The following ANO5 variants were observed in gnomAD, a reference collection of about 807,000 sequenced individuals.
ANO5 encodes anoctamin 5.
ANO5 carries 109 observed loss-of-function variants against 121.0 expected under a neutral mutation model. The ratio of observed to expected loss-of-function variants is 0.90; its 90% CI spans 0.77 to 1.06. ANO5 has a LOEUF of 1.06. Ranked by LOEUF, ANO5 falls within the 50% of genes least tolerant of loss-of-function variation. The pLI, the probability that ANO5 is intolerant of heterozygous loss-of-function variation, is 0.00. For synonymous variants in ANO5, 406 were observed against 359.9 expected (o/e 1.13, Z -1.45); for missense variants, 1,064 against 1,078.5 (o/e 0.99, Z 0.19).
At chr11:22,256,275 G>C (rs1853996982) in intron 13 of ANO5, among the ~76,000 whole-genome samples, 1 of 152,102 alleles carries the variant, frequency 6.6e-6, no homozygotes, top group African/African-American at 2.4e-5. Context: ...GTTTCCTGCT[G>C]CTATTTAAAA....
At chr11:22,195,963 A>G (rs1156810834) in intron 1 of ANO5, among the ~76,000 whole-genome samples, 3 of 152,178 alleles carry the variant, frequency 2.0e-5, no homozygotes, top group African/African-American at 7.2e-5. Context: ...ATCAGGGCCT[A>G]AAGAGCAGCA....
At chr11:22,259,946 CT>C (rs1854138316) in intron 15 of ANO5, among the ~76,000 whole-genome samples, 1 of 78,980 alleles carries the variant, frequency 1.3e-5, no homozygotes, top group Admixed American at 1.3e-4. Flanking sequence ...GGCAAAATAA[CT>C]GAAAAAAAAA....
chr11:22,224,562 A>G (rs887807665), intron 5 of ANO5, among the ~76,000 whole-genome samples: 9 of 152,196 alleles, frequency 5.9e-5, no homozygotes, highest in African/African-American at 2.2e-4. Flanking sequence ...TTCTTACCAT[A>G]CAAAAGATCA....
rs1295742278 is a variant in ANO5, at chr11:22,217,907, AC to A, written c.139-338del. ...ATATTTCCTTATGTAACAAATCTGC[AC>A]TTCCTGCACATGTACTCCTGAACTT... On this transcript the variant is annotated intron_variant, in intron 3 of 21. Coordinates refer to ENST00000324559, the MANE Select transcript of ANO5 (RefSeq NM_213599.3). 3.3e-5 allele frequency among the ~76,000 whole-genome samples: 5 copies of A among 152,086 alleles called. No individual in the cohort carries two copies. In the East Asian group the frequency reaches 9.7e-4, roughly 29 times the overall value.
At chr11:22,278,684 A>G (rs1433349711) in intron 21 of ANO5, among the ~76,000 whole-genome samples, 1 of 151,642 alleles carries the variant, frequency 6.6e-6, no homozygotes, top group Non-Finnish European at 1.5e-5. Context: ...TTGATAACGT[A>G]GTGAGCTGAT....
chr11:22,228,517 T>C (rs192580410), intron 7 of ANO5, among the ~76,000 whole-genome samples: 7 of 152,090 alleles, frequency 4.6e-5, no homozygotes, highest in African/African-American at 1.7e-4. Flanking sequence ...AAAACCTCTC[T>C]TCTAGCTATT....
Position 22,227,446 on chromosome 11 carries a change from C to G in ANO5, c.508C>G (p.Leu170Val), listed in dbSNP as rs139563739. The G allele has an allele frequency of 3.1e-6, 5 of 1,613,426 alleles. No individual in the cohort carries two copies. The highest frequency in any genetic ancestry group is 4.2e-6 in the Non-Finnish European group (5 of 1,179,780). Residue 170 changes from leucine (L) to valine (V), a missense_variant, in exon 7 of 22, where the codon CTT (leucine) becomes GTT (valine). Coordinates refer to ENST00000324559, the MANE Select transcript of ANO5 (RefSeq NM_213599.3). ...RPKHTPISYVLGPVRLPLSVK... is the reference protein window; with the variant it reads ...RPKHTPISYVVGPVRLPLSVK... ...TAAGCACACTCCTATAAGCTATGTG[C>G]TTGGACCTGTAAGACTCCCACTGAG...
chr11:22,199,163 G>T (rs755733953), intron 1 of ANO5, among the ~76,000 whole-genome samples: 36 of 152,118 alleles, frequency 2.4e-4, no homozygotes, highest in Non-Finnish European at 4.6e-4. Context: ...GAGTTATTTC[G>T]ATTTTATTCT....
intron 12 of ANO5, among the ~76,000 whole-genome samples, chr11:22,253,787 G>A (rs1853905089): frequency 6.6e-6 from 1 of 152,242 alleles, no homozygotes; most frequent in East Asian, 1.9e-4. Context: ...TAAATGCTGA[G>A]GGAGTACAGA....
chr11:22,223,208 G>C (rs368877110), intron 5 of ANO5, among the ~76,000 whole-genome samples: 33 of 152,024 alleles, frequency 2.2e-4, no homozygotes, highest in African/African-American at 7.2e-4. Context: ...GGAATCACAG[G>C]ACTCAGTATA....
chr11:22,220,044 A>G (rs1408437613), intron 4 of ANO5, among the ~76,000 whole-genome samples: 2 of 151,854 alleles, frequency 1.3e-5, no homozygotes, highest in Non-Finnish European at 2.9e-5. Context: ...CATGAGACTT[A>G]TGGCTTATTT....
intron 5 of ANO5, among the ~76,000 whole-genome samples, chr11:22,221,751 G>T (rs1852660192): frequency 6.6e-6 from 1 of 151,852 alleles, no homozygotes; most frequent in Admixed American, 6.6e-5. Context: ...TAGAACAATG[G>T]TTGGACTATA....
intron 19 of ANO5, among the ~76,000 whole-genome samples, 195 bp from the exon 20 acceptor site, chr11:22,274,374 T>C (rs1232122109): frequency 2.0e-5 from 3 of 152,132 alleles, no homozygotes; most frequent in African/African-American, 7.2e-5. Context: ...CTATGAAATC[T>C]TGGAATACTG....
intron 19 of ANO5, 143 bp downstream of exon 19, chr11:22,273,132 C>T: frequency 1.1e-6 from 1 of 871,894 alleles, no homozygotes; most frequent in Non-Finnish European, 1.8e-6. Context: ...TATGCGCTAA[C>T]CAATATAGAA....
At chr11:22,206,339 CAG>C (rs34738457) in intron 2 of ANO5, among the ~76,000 whole-genome samples, 113,987 of 151,740 alleles carry the variant, frequency 0.75, 43,206 homozygotes, top group Non-Finnish European at 0.81. Flanking sequence ...TGGAAAGGGA[CAG>C]AGTCTTGCTC....
At chr11:22,246,856 C>CAAAA (rs10565920) in intron 9 of ANO5, among the ~76,000 whole-genome samples, 3 of 62,202 alleles carry the variant, frequency 4.8e-5, no homozygotes, top group Non-Finnish European at 1.0e-4. Context: ...GACCCTGTTT[C>CAAAA]AAAAAAAAAA....
chr11:22,269,510 A>T (rs1268307292), intron 17 of ANO5, among the ~76,000 whole-genome samples: 1 of 125,930 alleles, frequency 7.9e-6, no homozygotes, highest in African/African-American at 4.6e-5. Flanking sequence ...GGAAGGAAAG[A>T]AAAAAAGAAA....
chr11:22,207,350 T>C (rs576375719), intron 2 of ANO5, among the ~76,000 whole-genome samples: 20 of 152,120 alleles, frequency 1.3e-4, no homozygotes, highest in Non-Finnish European at 2.6e-4. Flanking sequence ...GATAGGCATG[T>C]AGATTAATGA....
chr11:22,218,115 TCACACA>T (rs71034578), intron 3 of ANO5, 125 bp from the exon 4 acceptor site: 5 of 607,666 alleles, frequency 8.2e-6, no homozygotes, highest in African/African-American at 5.5e-5. Context: ...GTTTGAAATA[TCACACA>T]CACACACACA....
Sources: allele counts gnomAD v4.1 joint callset (sites outside exome capture counted in the v4.1 genomes callset), GRCh38; gene constraint gnomAD v4.1.1; transcripts MANE v1.5; gene names NCBI Gene and HGNC (gene_info 2026-07-23, HGNC 2026-07-21).